The following NTRK2 variants were observed in gnomAD, a reference collection of about 807,000 sequenced individuals.
NTRK2 encodes BDNF/NT-3 growth factors receptor.
NTRK2 carries 13 observed loss-of-function variants against 94.5 expected under a neutral mutation model. The observed-to-expected ratio is 0.14, with a 90% CI of 0.09 to 0.22. The LOEUF (loss-of-function observed/expected upper bound fraction) is 0.22. Among genes scored for constraint, NTRK2 ranks in the 10% least tolerant of loss-of-function variants. The pLI, the probability that NTRK2 is intolerant of heterozygous loss-of-function variation, is 1.00. For synonymous variants in NTRK2, 372 were observed against 407.4 expected (o/e 0.91, Z 1.05); for missense variants, 639 against 1,071.2 (o/e 0.60, Z 5.63).
intron 12 of NTRK2, among the ~76,000 whole-genome samples, chr9:84,834,604 G>A (rs74485816): frequency 0.017 from 2,515 of 152,260 alleles, 64 homozygotes; most frequent in African/African-American, 0.053. Context: ...GGAGGGGTGT[G>A]TCTCATGTTG....
At chr9:84,797,382 C>A (rs928176531) in intron 12 of NTRK2, among the ~76,000 whole-genome samples, 2 of 150,042 alleles carry the variant, frequency 1.3e-5, no homozygotes, top group Non-Finnish European at 2.9e-5. Context: ...TGTCCCTTTG[C>A]AGAAAAAGTT....
intron 12 of NTRK2, among the ~76,000 whole-genome samples, chr9:84,809,056 A>G (rs1037696378): frequency 6.6e-6 from 1 of 152,212 alleles, no homozygotes; most frequent in Non-Finnish European, 1.5e-5. Flanking sequence ...TAAACACAGT[A>G]TTATGTATAC....
intron 14 of NTRK2, chr9:84,875,817 G>A (rs2076041854): frequency 1.9e-6 from 2 of 1,047,090 alleles, no homozygotes; most frequent in Non-Finnish European, 2.3e-6. Context: ...CTGGGGTTCT[G>A]GCAAGGAGGC....
At position 84,873,600 on chromosome 9, in the gene NTRK2, A is replaced by G. The variant is rs199560975; in HGVS notation, c.1633+6169A>G. ...TATCAAATAATGCTTTAAAAAAGCA[A>G]CTTGAGTTTCTTAAAAGAAAGGAAA... On this transcript the variant is annotated intron_variant, in intron 14 of 18. Transcript: ENST00000277120. 6.2e-5 allele frequency: 65 copies of G among 1,052,854 alleles called. No homozygotes were observed. In the Middle Eastern group the frequency reaches 1.3e-3, roughly 21 times the overall value. The allele number at this position is 1,052,854 out of a possible 1,614,324, so 65.2% of individuals were successfully genotyped here.
intron 17 of NTRK2, among the ~76,000 whole-genome samples, chr9:84,997,790 G>A (rs1419940676): frequency 6.6e-6 from 1 of 152,134 alleles, no homozygotes; most frequent in Non-Finnish European, 1.5e-5. Flanking sequence ...GGGCTGGGGG[G>A]TGTTCAGCCA....
chr9:85,010,363 A>G (rs1831427182), intron 17 of NTRK2, among the ~76,000 whole-genome samples: 2 of 152,164 alleles, frequency 1.3e-5, no homozygotes. Context: ...CGTGATTTTC[A>G]CCATCAAAGG....
intron 17 of NTRK2, among the ~76,000 whole-genome samples, chr9:84,962,353 G>A (rs1054321524): frequency 6.6e-6 from 1 of 152,116 alleles, no homozygotes; most frequent in Non-Finnish European, 1.5e-5. Flanking sequence ...CTATTGCTAT[G>A]CCTTGTGATC....
At chr9:84,833,745 T>C (rs2073711046) in intron 12 of NTRK2, among the ~76,000 whole-genome samples, 2 of 152,174 alleles carry the variant, frequency 1.3e-5, no homozygotes, top group South Asian at 4.1e-4. Context: ...ATATAAATCT[T>C]TGGAGCTTCA....
rs1480369513 is a variant in NTRK2, at chr9:85,024,171, A to T, written c.*2734A>T. 5.6e-5 allele frequency: 13 copies of T among 232,016 alleles called. No individual in the cohort carries two copies. In the East Asian group the frequency reaches 7.3e-4, roughly 13 times the overall value. The allele number at this position is 232,016 out of a possible 1,614,324, so 14.4% of individuals were successfully genotyped here. ...AAGAGTATGTGCTGATTTCAGAGAC[A>T]TCTCAAATTGAAAGAATATCAGATT... On this transcript the variant is annotated 3_prime_UTR_variant, in exon 19 of 19. Transcript: ENST00000277120.
intron 17 of NTRK2, among the ~76,000 whole-genome samples, chr9:85,006,686 G>A (rs919145099): frequency 1.3e-5 from 2 of 150,516 alleles, no homozygotes; most frequent in African/African-American, 5.0e-5. Context: ...CTCTGCTGAG[G>A]GGTCACTTTG....
chr9:84,901,995 A>T (rs967018235), intron 14 of NTRK2, among the ~76,000 whole-genome samples: 6 of 152,078 alleles, frequency 3.9e-5, no homozygotes, highest in African/African-American at 1.4e-4. Flanking sequence ...CCAGTTCAAG[A>T]CCAGCCTGGC....
chr9:84,723,487 ATAAACAGTTTTCAATT>A, intron 6 of NTRK2, 70 bp from the exon 7 acceptor site: 3 of 1,478,170 alleles, frequency 2.0e-6, no homozygotes, highest in Non-Finnish European at 2.8e-6. Flanking sequence ...TTTTTAAAGC[ATAAACAGTTTTCAATT>A]TATTGCTTTT....
intron 12 of NTRK2, among the ~76,000 whole-genome samples, chr9:84,802,211 A>G (rs867447152): frequency 1.3e-5 from 2 of 152,194 alleles, no homozygotes; most frequent in Non-Finnish European, 2.9e-5. Context: ...GATTTTTAGC[A>G]TGGTCACCAT....
chr9:84,990,683 A>C (rs1322423115), intron 17 of NTRK2, among the ~76,000 whole-genome samples: 1 of 152,184 alleles, frequency 6.6e-6, no homozygotes, highest in African/African-American at 2.4e-5. Context: ...TGGTTTTGAG[A>C]ACTAAACACC....
At chr9:84,810,310 T>C (rs994006849) in intron 12 of NTRK2, among the ~76,000 whole-genome samples, 2 of 152,208 alleles carry the variant, frequency 1.3e-5, no homozygotes, top group Non-Finnish European at 2.9e-5. Context: ...TCATGTACCA[T>C]GTAAAATCAG....
At chr9:84,709,918 C>A (rs1253519311) in intron 5 of NTRK2, among the ~76,000 whole-genome samples, 2 of 151,882 alleles carry the variant, frequency 1.3e-5, no homozygotes, top group African/African-American at 4.8e-5. Context: ...TCTAACGCAG[C>A]TCAATCTGCA....
chr9:85,022,070 G>A lies in NTRK2; in HGVS notation c.*633G>A, dbSNP rs1588211876. On this transcript the variant is annotated 3_prime_UTR_variant, in exon 19 of 19. Transcript: ENST00000277120. ...TTCAATCTGTGAAGCCTTTATCTAT[G>A]GGAGATTAAAACCAGAGAGAAAGAA... 8.6e-6 allele frequency: 2 copies of A among 233,538 alleles called. No homozygotes were observed. The highest frequency in any genetic ancestry group is 1.2e-4 in the East Asian group (2 of 16,564). The allele number at this position is 233,538 out of a possible 1,614,324, so 14.5% of individuals were successfully genotyped here.
intron 17 of NTRK2, among the ~76,000 whole-genome samples, chr9:85,006,679 T>G (rs1189873369): frequency 1.3e-5 from 2 of 150,344 alleles, no homozygotes; most frequent in African/African-American, 5.0e-5. Context: ...CACTGTCCTC[T>G]GCTGAGGGGT....
chr9:84,777,265 G>A (rs1238806810), intron 12 of NTRK2, among the ~76,000 whole-genome samples: 1 of 152,162 alleles, frequency 6.6e-6, no homozygotes, highest in African/African-American at 2.4e-5. Context: ...TTATTCTCAA[G>A]ATGAGAGATG....
Sources: allele counts gnomAD v4.1 joint callset (sites outside exome capture counted in the v4.1 genomes callset), GRCh38; gene constraint gnomAD v4.1.1; transcripts MANE v1.5; gene names NCBI Gene and HGNC (gene_info 2026-07-23, HGNC 2026-07-21).